Variants in SPOCK1 observed in about 807,000 individuals in gnomAD.
The protein encoded by SPOCK1 is testican-1.
Under a neutral mutation model 55.3 loss-of-function variants are expected in SPOCK1, and 23 were observed. The ratio of observed to expected loss-of-function variants is 0.42; its 90% confidence interval spans 0.30 to 0.59. The LOEUF (loss-of-function observed/expected upper bound fraction) is 0.59. SPOCK1 is among the 20% of genes least tolerant of loss of function. The pLI is 0.22. For missense variants in SPOCK1, 499 were observed against 552.5 expected (o/e 0.90, Z 0.97); for synonymous variants, 226 against 221.0 (o/e 1.02, Z -0.20).
intron 2 of SPOCK1, among the ~76,000 whole-genome samples, chr5:137,397,849 C>T (rs1382686053): frequency 1.3e-5 from 2 of 152,176 alleles, no homozygotes; most frequent in African/African-American, 2.4e-5. Flanking sequence ...CCCAGGAAGC[C>T]TTCTTGGACA....
intron 6 of SPOCK1, among the ~76,000 whole-genome samples, chr5:137,042,756 A>G (rs1047828127): frequency 6.6e-6 from 1 of 152,162 alleles, no homozygotes; most frequent in African/African-American, 2.4e-5. Context: ...GGAGGAAGCT[A>G]TAACGACATG....
chr5:137,322,039 A>C (rs962975207), intron 2 of SPOCK1, among the ~76,000 whole-genome samples: 1 of 152,208 alleles, frequency 6.6e-6, no homozygotes, highest in Admixed American at 6.5e-5. Flanking sequence ...AGTTGAAAAG[A>C]AAGAATGCTA....
intron 3 of SPOCK1, among the ~76,000 whole-genome samples, chr5:137,242,174 T>A (rs997310310): frequency 1.3e-5 from 2 of 152,128 alleles, no homozygotes; most frequent in African/African-American, 4.8e-5. Context: ...TCAAGACCAG[T>A]CTGGTGGATA....
At chr5:137,185,188 A>G (rs939672523) in intron 3 of SPOCK1, among the ~76,000 whole-genome samples, 5 of 152,196 alleles carry the variant, frequency 3.3e-5, no homozygotes, top group Non-Finnish European at 7.3e-5. Flanking sequence ...AGAAGGTGAA[A>G]CAGAAAAGAA....
At chr5:137,188,350 G>A (rs1755113534) in intron 3 of SPOCK1, among the ~76,000 whole-genome samples, 1 of 152,136 alleles carries the variant, frequency 6.6e-6, no homozygotes, top group Admixed American at 6.5e-5. Context: ...CCTGAGTTGA[G>A]CAAGTCTATT....
At chr5:137,401,321 A>G (rs1751971550) in intron 2 of SPOCK1, among the ~76,000 whole-genome samples, 1 of 152,190 alleles carries the variant, frequency 6.6e-6, no homozygotes. Context: ...AATAAAAGCT[A>G]AAATTTACTA....
At chr5:137,213,076 C>G (rs879216739) in intron 3 of SPOCK1, among the ~76,000 whole-genome samples, 2 of 152,142 alleles carry the variant, frequency 1.3e-5, no homozygotes, top group Admixed American at 1.3e-4. Context: ...AATGCAGCAG[C>G]TGGAGACCAT....
rs144574118 is a variant in SPOCK1, at chr5:137,147,995, C to T, written c.233-7301G>A. On this transcript the variant is annotated intron_variant, in intron 3 of 10. Coordinates refer to ENST00000394945, the MANE Select transcript of SPOCK1 (RefSeq NM_004598.4). ...GGCAAAGCCAGTACTCAGAACCAGA[C>T]CTGCCTTCTTCCAAAAGAAGCGCCT... Among the ~76,000 whole-genome samples the T allele has an allele frequency of 1.4e-4, 22 of 152,318 alleles. No homozygotes were observed. In the East Asian group the frequency reaches 4.2e-3, roughly 29 times the overall value.
intron 2 of SPOCK1, among the ~76,000 whole-genome samples, chr5:137,291,984 G>A (rs752251369): frequency 1.3e-5 from 2 of 152,212 alleles, no homozygotes; most frequent in Non-Finnish European, 2.9e-5. Context: ...GGAACTGCCA[G>A]AGAAGATCTT....
At chr5:137,185,064 G>A (rs527524196) in intron 3 of SPOCK1, among the ~76,000 whole-genome samples, 5 of 152,244 alleles carry the variant, frequency 3.3e-5, no homozygotes, top group African/African-American at 9.6e-5. Flanking sequence ...ACAGCAAATG[G>A]GGCAGAGAGA....
chr5:137,306,766 A>G (rs1561499654), intron 2 of SPOCK1, among the ~76,000 whole-genome samples: 1 of 152,176 alleles, frequency 6.6e-6, no homozygotes, highest in South Asian at 2.1e-4. Flanking sequence ...AAAGTTTATA[A>G]TTTTGTGATT....
At chr5:137,296,439 G>A (rs551042860) in intron 2 of SPOCK1, among the ~76,000 whole-genome samples, 15 of 152,318 alleles carry the variant, frequency 9.8e-5, no homozygotes, top group Admixed American at 7.2e-4. Context: ...GGGCGTCCAA[G>A]TAATGGAGAG....
chr5:137,084,954 CAAAAAAAA>C (rs10568473), intron 5 of SPOCK1, among the ~76,000 whole-genome samples: 8,693 of 114,298 alleles, frequency 0.076, 630 homozygotes, highest in African/African-American at 0.22. Flanking sequence ...TTATACAAAG[CAAAAAAAA>C]AAAAAAAAAA....
At chr5:137,486,377 A>G (rs908936673) in intron 2 of SPOCK1, among the ~76,000 whole-genome samples, 2 of 152,224 alleles carry the variant, frequency 1.3e-5, no homozygotes, top group Non-Finnish European at 2.9e-5. Flanking sequence ...GCTCTGGGCC[A>G]TTTGCAGAGT....
In SPOCK1 at chr5:137,434,480, C is replaced by CTTTTTTTTTTTTTTTTTTTTTTT. The variant is rs146762668; in HGVS notation, c.186+63870_186+63892dup. Among the ~76,000 whole-genome samples the CTTTTTTTTTTTTTTTTTTTTTTT allele has an allele frequency of 8.8e-5, 6 of 68,188 alleles. 2 individuals carry two copies. Among genetic ancestry groups the CTTTTTTTTTTTTTTTTTTTTTTT allele is most frequent in the African/African-American group, 3.0e-4 (5 of 16,642 alleles). The allele number at this position is 68,188 out of a possible 152,430, so 44.7% of individuals were successfully genotyped here. A position where few individuals can be genotyped will look rare whatever the true frequency, so the allele number is the denominator to read the frequency against. ...TTTCCCTTCTCCATTTCTTTTTTTTCTTTTTTTTTTTTTTTTTTTTTTTTT... is the reference window on the plus strand; with the variant it reads ...TTTCCCTTCTCCATTTCTTTTTTTTCTTTTTTTTTTTTTTTTTTTTTTTTTTTTTTTTTTTTTTTTTTTTTTTT... On this transcript the variant is annotated intron_variant, in intron 2 of 10. Coordinates refer to ENST00000394945, the MANE Select transcript of SPOCK1 (RefSeq NM_004598.4).
At chr5:137,480,402 A>T (rs1024967483) in intron 2 of SPOCK1, among the ~76,000 whole-genome samples, 1 of 151,988 alleles carries the variant, frequency 6.6e-6, no homozygotes, top group African/African-American at 2.4e-5. Flanking sequence ...GCCCCAAGAC[A>T]ATCAGTTCTA....
At chr5:137,138,009 T>G (rs1481227801) in intron 4 of SPOCK1, among the ~76,000 whole-genome samples, 2 of 151,846 alleles carry the variant, frequency 1.3e-5, no homozygotes, top group South Asian at 2.1e-4. Flanking sequence ...TTCATAAAAT[T>G]TATCATCCAT....
chr5:137,489,748 G>A (rs1016612015), intron 2 of SPOCK1, among the ~76,000 whole-genome samples: 9 of 152,214 alleles, frequency 5.9e-5, no homozygotes, highest in African/African-American at 1.9e-4. Flanking sequence ...CTACTTAAGG[G>A]AACACTAGGG....
At chr5:137,087,563 C>G (rs1561604513) in intron 5 of SPOCK1, among the ~76,000 whole-genome samples, 1 of 152,232 alleles carries the variant, frequency 6.6e-6, no homozygotes. Context: ...TCTCAAAAAT[C>G]CTGCAACCTG....
Sources: gnomAD v4.1 joint callset for allele counts (sites outside exome capture counted in the v4.1 genomes callset) on GRCh38, gnomAD v4.1.1 for gene constraint, MANE v1.5 for transcripts, NCBI Gene and HGNC (gene_info 2026-07-23, HGNC 2026-07-21) for gene names.